PEX26: variants seen among roughly 807,000 people sequenced by gnomAD.
PEX26 encodes the protein peroxisome assembly protein 26.
Under a neutral mutation model 31.4 loss-of-function variants are expected in PEX26, and 18 were observed. That is an observed-to-expected ratio of 0.57 (90% CI 0.40 to 0.85). The LOEUF (loss-of-function observed/expected upper bound fraction) is 0.85, where lower values mean the gene tolerates loss of function less well. PEX26 is among the 40% of genes least tolerant of loss of function. PEX26 has a pLI of 0.00. For synonymous variants in PEX26, 176 were observed against 166.9 expected (o/e 1.05, Z -0.42); for missense variants, 377 against 383.9 (o/e 0.98, Z 0.15).
At position 18,099,115 on chromosome 22, in the gene PEX26, G is replaced by GA. The variant is rs1214130744; in HGVS notation, c.*11042dup. 6.6e-6 allele frequency: 1 copy of GA among 152,216 alleles called. No homozygotes were observed. Among genetic ancestry groups the GA allele is most frequent in the Non-Finnish European group, 1.5e-5 (1 of 68,044 alleles). 9.4% of individuals were successfully genotyped at this position (152,216 alleles called of 1,614,324 possible). On this transcript the variant is annotated 3_prime_UTR_variant, in exon 5 of 5. Coordinates refer to ENST00000399744, the MANE Select transcript of PEX26 (RefSeq NM_001127649.3). ...TGGAAAAGTAGTAGAGTTTGTGAGG[G>GA]AATGTTCTGTATGTCTGAAGACAAA...
intron 4 of PEX26, among the ~76,000 whole-genome samples, chr22:18,087,039 A>G (rs1353979093): frequency 6.6e-6 from 1 of 151,308 alleles, no homozygotes; most frequent in Non-Finnish European, 1.5e-5. Context: ...CAGCCTCCCA[A>G]GTAACTGGGA....
Position 18,080,027 on chromosome 22 carries a change from T to C in PEX26, c.371+13T>C. 1 of 1,614,046 alleles carries C rather than the reference T, an allele frequency of 6.2e-7. No homozygotes were observed. Among genetic ancestry groups the C allele is most frequent in the South Asian group, 1.1e-5 (1 of 91,076 alleles). ...TCCTGGAGCTGTGGTAAGTCTTCTT[T>C]GCTGACTCATCAGATCGGTTCAGAA... On this transcript the variant is annotated intron_variant, in intron 2 of 4. Coordinates refer to ENST00000399744, the MANE Select transcript of PEX26 (RefSeq NM_001127649.3).
rs894404693 is a variant in PEX26, at chr22:18,102,664, T to G, written c.*14589T>G. 2 of 152,412 alleles carry G rather than the reference T, an allele frequency of 1.3e-5. No homozygotes were observed. Among genetic ancestry groups the G allele is most frequent in the Non-Finnish European group, 2.9e-5 (2 of 68,098 alleles). 9.4% of individuals were successfully genotyped at this position (152,412 alleles called of 1,614,324 possible). On this transcript the variant is annotated 3_prime_UTR_variant, in exon 5 of 5. Transcript: ENST00000399744. ...TCCAACCACAGCATCAAATTCTGTC[T>G]GATGAAGGGCACCAGCCCCTTCATC...
Position 18,085,096 on chromosome 22 carries a change from C to G in PEX26, c.668-16C>G. On this transcript the variant is annotated splice_polypyrimidine_tract_variant and intron_variant, in intron 3 of 4. Coordinates refer to ENST00000399744, the MANE Select transcript of PEX26 (RefSeq NM_001127649.3). ...CCCATGACATCCCTGAAGCTGTGCT[C>G]TGTCTCCCTGGCCAGGCTCTGTCTC... 9 of 1,613,804 alleles carry G rather than the reference C, an allele frequency of 5.6e-6. No homozygotes were observed. Among genetic ancestry groups the G allele is most frequent in the Non-Finnish European group, 7.6e-6 (9 of 1,179,894 alleles).
chr22:18,087,264 G>A (rs1403081303), intron 4 of PEX26, among the ~76,000 whole-genome samples: 3 of 152,016 alleles, frequency 2.0e-5, no homozygotes, highest in Admixed American at 1.3e-4. Flanking sequence ...TAGTAGAGAC[G>A]GGGTTTCGCC....
At position 18,101,813 on chromosome 22, in the gene PEX26, G is replaced by A. The variant is rs754924892; in HGVS notation, c.*13738G>A. Reference sequence around the variant, plus strand: ...CTTGGTCATTAACCTGAGGTCTGGGGCCTTTAAAGCTATTGAGGAGCCAGT... The same window carrying A: ...CTTGGTCATTAACCTGAGGTCTGGGACCTTTAAAGCTATTGAGGAGCCAGT... On this transcript the variant is annotated 3_prime_UTR_variant, in exon 5 of 5. Transcript: ENST00000399744. The A allele has an allele frequency of 5.8e-6, 1 of 171,896 alleles. No homozygotes were observed. The highest frequency in any genetic ancestry group is 1.2e-5 in the Non-Finnish European group (1 of 81,538). The allele number at this position is 171,896 out of a possible 1,614,324, so 10.6% of individuals were successfully genotyped here.
At chr22:18,079,730 T>C in intron 1 of PEX26, 144 bp from the exon 2 acceptor site, 1 of 949,414 alleles carries the variant, frequency 1.1e-6, no homozygotes. Flanking sequence ...TGAGACCAAT[T>C]GTGAAGCCCA....
rs903287940 is a variant in PEX26 at position 18,078,256 on chromosome 22, G to T, written c.-121G>T. Reference sequence around the variant, plus strand: ...TCTCGGGGAATCGACCTCGGGAAGGGGTGTGGGCAAAGAGATGAGGACTCT... The same window carrying T: ...TCTCGGGGAATCGACCTCGGGAAGGTGTGTGGGCAAAGAGATGAGGACTCT... On this transcript the variant is annotated 5_prime_UTR_variant, in exon 1 of 5. Transcript: ENST00000399744. The T allele has an allele frequency of 2.6e-6, 2 of 768,550 alleles. No individual in the cohort carries two copies. Among genetic ancestry groups the T allele is most frequent in the Admixed American group, 2.0e-5 (1 of 50,096 alleles). The allele number at this position is 768,550 out of a possible 1,614,324, so 47.6% of individuals were successfully genotyped here.
intron 2 of PEX26, 100 bp from the exon 3 acceptor site, chr22:18,083,334 TGAG>T: frequency 3.4e-6 from 4 of 1,185,224 alleles, no homozygotes; most frequent in Non-Finnish European, 5.1e-6. Context: ...GAGGACACAG[TGAG>T]GAGGGGCTGG....
At position 18,100,754 on chromosome 22, in the gene PEX26, G is replaced by A. The variant is rs563590994; in HGVS notation, c.*12679G>A. 1 of 152,366 alleles carries A rather than the reference G, an allele frequency of 6.6e-6. No homozygotes were observed. Among genetic ancestry groups the A allele is most frequent in the South Asian group, 2.1e-4 (1 of 4,830 alleles). 9.4% of individuals were successfully genotyped at this position (152,366 alleles called of 1,614,324 possible). A position where few individuals can be genotyped will look rare whatever the true frequency, so the allele number is the denominator to read the frequency against. ...GTTTACTACATCCTACGCATGCTGA[G>A]ATAGATGAGTGGGACACCATCTCGG... On this transcript the variant is annotated 3_prime_UTR_variant, in exon 5 of 5. Transcript: ENST00000399744.
intron 4 of PEX26, 92 bp downstream of exon 4, chr22:18,085,350 G>A: frequency 7.7e-7 from 1 of 1,299,434 alleles, no homozygotes; most frequent in Non-Finnish European, 1.1e-6. Flanking sequence ...GAGTCCTACT[G>A]GGGAGGGGAG....
chr22:18,078,650 G>A, intron 1 of PEX26, 44 bp downstream of exon 1: 1 of 1,535,692 alleles, frequency 6.5e-7, no homozygotes, highest in Non-Finnish European at 8.9e-7. Flanking sequence ...GGGCGCTCTT[G>A]TGGTGGGGCT....
Position 18,085,174 on chromosome 22 carries a change from G to GCTT in PEX26, c.730_731insCTT (p.Val244delinsAlaLeu), listed in dbSNP as rs1926791706. 6.2e-7 allele frequency: 1 copy of GCTT among 1,614,014 alleles called. No homozygotes were observed. The highest frequency in any genetic ancestry group is 2.2e-5 in the East Asian group (1 of 44,892). Reference sequence around the variant, plus strand: ...GGTTCGCCAGCTTTGGGACTCTGCGGTGAGCCACTTCTTTTCTCTGCCCTT... The same window carrying GCTT: ...GGTTCGCCAGCTTTGGGACTCTGCGGCTTTGAGCCACTTCTTTTCTCTGCCCTT... On this transcript the variant is annotated protein_altering_variant, in exon 4 of 5. Transcript: ENST00000399744.
chr22:18,099,199 A>G lies in PEX26; in HGVS notation c.*11124A>G, dbSNP rs1406919394. ...TACTCTGAAGGACAGGCAAGAGTCC[A>G]GCCCAGGGAAAAAGGTGCAGATGGG... is the stretch of plus-strand genomic sequence containing the variant. On this transcript the variant is annotated 3_prime_UTR_variant, in exon 5 of 5. Transcript: ENST00000399744. The G allele has an allele frequency of 4.6e-5, 7 of 152,244 alleles. No individual in the cohort carries two copies. In the East Asian group the frequency reaches 5.8e-4, roughly 13 times the overall value. The allele number at this position is 152,244 out of a possible 1,614,324, so 9.4% of individuals were successfully genotyped here. A position where few individuals can be genotyped will look rare whatever the true frequency, so the allele number is the denominator to read the frequency against.
chr22:18,084,235 C>G (rs1322049819), intron 3 of PEX26, among the ~76,000 whole-genome samples: 1 of 93,234 alleles, frequency 1.1e-5, no homozygotes, highest in Non-Finnish European at 1.9e-5. Context: ...CCATCTCTCT[C>G]TCTTTTTTTT....
chr22:18,101,679 C>G lies in PEX26; in HGVS notation c.*13604C>G. 1 of 261,180 alleles carries G rather than the reference C, an allele frequency of 3.8e-6. No individual in the cohort carries two copies. The highest frequency in any genetic ancestry group is 6.7e-5 in the South Asian group (1 of 15,008). 16.2% of individuals were successfully genotyped at this position (261,180 alleles called of 1,614,324 possible). A position where few individuals can be genotyped will look rare whatever the true frequency, so the allele number is the denominator to read the frequency against. ...GCTGTGCAATGACTTGTGTCAAAAC[C>G]CGATCCAGAGCAGCAGTGATGAAAT... On this transcript the variant is annotated 3_prime_UTR_variant, in exon 5 of 5. Coordinates refer to ENST00000399744, the MANE Select transcript of PEX26 (RefSeq NM_001127649.3).
At chr22:18,086,979 C>G (rs569405138) in intron 4 of PEX26, among the ~76,000 whole-genome samples, 7 of 152,064 alleles carry the variant, frequency 4.6e-5, no homozygotes, top group African/African-American at 1.2e-4. Flanking sequence ...CCGGCGTGAT[C>G]TTGGCTCACT....
rs1434541975 is a variant in PEX26 at position 18,092,857 on chromosome 22, A to G, written c.*4782A>G. 2 of 151,520 alleles carry G rather than the reference A, an allele frequency of 1.3e-5. No homozygotes were observed. Among genetic ancestry groups the G allele is most frequent in the Admixed American group, 6.6e-5 (1 of 15,196 alleles). The allele number at this position is 151,520 out of a possible 1,614,324, so 9.4% of individuals were successfully genotyped here. The stretch of plus-strand genomic sequence containing the variant: ...GGTGGGTTATAAAAGCCCTTTTATA[A>G]AGCCAATTTTAAACAAGAAAAAAAC... On this transcript the variant is annotated 3_prime_UTR_variant, in exon 5 of 5. Coordinates refer to ENST00000399744, the MANE Select transcript of PEX26 (RefSeq NM_001127649.3).
At position 18,099,143 on chromosome 22, in the gene PEX26, C is replaced by T. The variant is rs753823013; in HGVS notation, c.*11068C>T. 7.2e-5 allele frequency: 11 copies of T among 152,134 alleles called. No individual in the cohort carries two copies. The highest frequency in any genetic ancestry group is 7.3e-5 in the Non-Finnish European group (5 of 68,038). The allele number at this position is 152,134 out of a possible 1,614,324, so 9.4% of individuals were successfully genotyped here. A position where few individuals can be genotyped will look rare whatever the true frequency, so the allele number is the denominator to read the frequency against. On this transcript the variant is annotated 3_prime_UTR_variant, in exon 5 of 5. Coordinates refer to ENST00000399744, the MANE Select transcript of PEX26 (RefSeq NM_001127649.3). Reference sequence around the variant, plus strand: ...TGTTCTGTATGTCTGAAGACAAAGTCTGGAGATTGGTGGGCCAGAAGGTGT... The same window carrying T: ...TGTTCTGTATGTCTGAAGACAAAGTTTGGAGATTGGTGGGCCAGAAGGTGT...
Sources: gnomAD v4.1 joint callset for allele counts (sites outside exome capture counted in the v4.1 genomes callset) on GRCh38, gnomAD v4.1.1 for gene constraint, MANE v1.5 for transcripts, NCBI Gene and HGNC (gene_info 2026-07-23, HGNC 2026-07-21) for gene names.